TENM4: variants seen among roughly 807,000 people sequenced by gnomAD.
TENM4 encodes the protein teneurin-4.
TENM4 carries 82 observed loss-of-function variants against 243.3 expected under a neutral mutation model. The ratio of observed to expected loss-of-function variants is 0.34; its 90% CI spans 0.28 to 0.40. The LOEUF (loss-of-function observed/expected upper bound fraction) is 0.40. TENM4 is among the 10% of genes least tolerant of loss of function. TENM4 has a pLI of 1.00. For missense variants in TENM4, 3,138 were observed against 3,673.3 expected (o/e 0.85, Z 3.77); for synonymous variants, 1,412 against 1,456.3 (o/e 0.97, Z 0.69).
At chr11:78,822,131 G>A (rs1857747053) in intron 12 of TENM4, among the ~76,000 whole-genome samples, 1 of 152,116 alleles carries the variant, frequency 6.6e-6, no homozygotes, top group Non-Finnish European at 1.5e-5. Flanking sequence ...ATGACTAGTG[G>A]GGATACTGCA....
chr11:79,132,148 C>A (rs957450855), intron 4 of TENM4, among the ~76,000 whole-genome samples: 2 of 151,544 alleles, frequency 1.3e-5, no homozygotes, highest in Non-Finnish European at 2.9e-5. Flanking sequence ...CGAGACCACC[C>A]TGGCTAACAC....
intron 7 of TENM4, among the ~76,000 whole-genome samples, chr11:78,893,401 C>T (rs1855710203): frequency 6.6e-6 from 1 of 152,194 alleles, no homozygotes; most frequent in Non-Finnish European, 1.5e-5. Context: ...TTTACAAAAC[C>T]CAAAGTGTAA....
intron 6 of TENM4, among the ~76,000 whole-genome samples, chr11:78,943,787 AT>A (rs1197885807): frequency 6.6e-6 from 1 of 152,252 alleles, no homozygotes; most frequent in African/African-American, 2.4e-5. Context: ...TATGTGGTAA[AT>A]AAATGTTAGT....
intron 1 of TENM4, among the ~76,000 whole-genome samples, chr11:79,426,524 T>C (rs1285615712): frequency 6.6e-6 from 1 of 152,192 alleles, no homozygotes; most frequent in Non-Finnish European, 1.5e-5. Context: ...AAGAGGATCC[T>C]GTGATCATCC....
intron 2 of TENM4, among the ~76,000 whole-genome samples, chr11:79,252,420 G>C (rs1346603605): frequency 1.3e-5 from 2 of 152,078 alleles, no homozygotes; most frequent in Non-Finnish European, 2.9e-5. Flanking sequence ...TTTTTGTTAA[G>C]TAGAGATGGG....
intron 5 of TENM4, 90 bp downstream of exon 5, chr11:79,069,632 C>A: frequency 1.4e-6 from 2 of 1,443,220 alleles, no homozygotes; most frequent in Non-Finnish European, 1.8e-6. Context: ...ACCTGTGCCA[C>A]GCCCACCTGC....
chr11:78,867,030 A>G, intron 9 of TENM4, among the ~76,000 whole-genome samples: 1 of 152,214 alleles, frequency 6.6e-6, no homozygotes, highest in East Asian at 1.9e-4. Flanking sequence ...ACAGGCTTGC[A>G]ATGCATGATA....
chr11:78,709,332 A>G (rs933003457), intron 26 of TENM4, among the ~76,000 whole-genome samples: 1 of 152,102 alleles, frequency 6.6e-6, no homozygotes, highest in Non-Finnish European at 1.5e-5. Context: ...CGGAATCTGA[A>G]TAGAATCCTA....
chr11:78,881,919 C>G (rs1186533290), intron 9 of TENM4, among the ~76,000 whole-genome samples: 2 of 152,218 alleles, frequency 1.3e-5, no homozygotes, highest in Admixed American at 1.3e-4. Flanking sequence ...CTATATATAT[C>G]TTGCTATTAG....
In TENM4 at chr11:79,201,389, A is replaced by T. The variant is rs1421406818; in HGVS notation, c.-163+14419T>A. On this transcript the variant is annotated intron_variant, in intron 3 of 33. Transcript: ENST00000278550. ...CTCTGCCATATGCCTGCTGTGTAGG[A>T]CCCTCAGACCATCACTTATCATCTC... Among the ~76,000 whole-genome samples, 4 of 151,728 alleles carry T rather than the reference A, an allele frequency of 2.6e-5. No homozygotes were observed. In the East Asian group the frequency reaches 7.8e-4, roughly 29 times the overall value.
chr11:79,310,674 A>G (rs1398805879), intron 1 of TENM4, among the ~76,000 whole-genome samples: 3 of 152,210 alleles, frequency 2.0e-5, no homozygotes, highest in Non-Finnish European at 4.4e-5. Context: ...GTTCTAGACC[A>G]TGGCTTGTCC....
At chr11:78,937,919 A>C (rs992771253) in intron 6 of TENM4, among the ~76,000 whole-genome samples, 1 of 152,154 alleles carries the variant, frequency 6.6e-6, no homozygotes, top group African/African-American at 2.4e-5. Context: ...CTAGAATCCC[A>C]AAAAAAGCCA....
Position 79,336,300 on chromosome 11 carries a change from T to A in TENM4, c.-320-38757A>T, listed in dbSNP as rs138208078. Among the ~76,000 whole-genome samples the A allele has an allele frequency of 2.7e-3, 408 of 152,234 alleles. 1 individual carries two copies. Among genetic ancestry groups the A allele is most frequent in the Non-Finnish European group, 4.5e-3 (307 of 68,030 alleles). ...AACTAGCTGCATTGCTTTGAGCAAA[T>A]CCCTGTCCTCCTCCAGGCCTCTAGC... On this transcript the variant is annotated intron_variant, in intron 1 of 33. Coordinates refer to ENST00000278550, the MANE Select transcript of TENM4 (RefSeq NM_001098816.3).
intron 6 of TENM4, among the ~76,000 whole-genome samples, chr11:78,984,681 GCTGCTACGCTACCTCTA>G (rs1857879028): frequency 6.6e-6 from 1 of 152,168 alleles, no homozygotes; most frequent in Non-Finnish European, 1.5e-5. Flanking sequence ...TACTGCTGCT[GCTGCTACGCTACCTCTA>G]CTACCGGTAA....
chr11:78,811,770 C>T (rs1299219050), intron 14 of TENM4, among the ~76,000 whole-genome samples: 1 of 152,200 alleles, frequency 6.6e-6, no homozygotes, highest in African/African-American at 2.4e-5. Flanking sequence ...AGCCATGTGT[C>T]CTTGGGCAAG....
intron 6 of TENM4, among the ~76,000 whole-genome samples, chr11:79,057,464 C>T (rs1298607824): frequency 1.3e-5 from 2 of 152,184 alleles, no homozygotes; most frequent in African/African-American, 4.8e-5. Flanking sequence ...TCAAATGTCA[C>T]CTTCTCTGTG....
At position 78,658,695 on chromosome 11, in the gene TENM4, T is replaced by A. The variant is rs532521048; in HGVS notation, c.7673A>T (p.Lys2558Met). ...AAAGACTGAGCCGCTGGATGCAAAC[T>A]TCTTGGTCTTTGGAGCCTGCTGGCA... ...TSCQQAPKTK[K>M]FASSGSVFGK... is the part of the protein sequence containing the mutation. Residue 2558 changes from lysine to methionine, a missense_variant, in exon 34 of 34, where the codon AAG becomes ATG. This residue lies in a region of TENM4 where 2,467 missense variants were observed against 3,059.1 expected (regional missense o/e 0.81). Coordinates refer to ENST00000278550, the MANE Select transcript of TENM4 (RefSeq NM_001098816.3). 5.0e-6 allele frequency: 8 copies of A among 1,614,000 alleles called. No homozygotes were observed. The highest frequency in any genetic ancestry group is 6.8e-6 in the Non-Finnish European group (8 of 1,179,898).
chr11:79,002,102 C>T (rs574792280), intron 6 of TENM4, among the ~76,000 whole-genome samples: 2 of 152,294 alleles, frequency 1.3e-5, no homozygotes, highest in Admixed American at 6.5e-5. Flanking sequence ...ATCCCCACCC[C>T]CCCACTGATA....
At chr11:79,130,319 A>C (rs1030804951) in intron 4 of TENM4, among the ~76,000 whole-genome samples, 6 of 152,138 alleles carry the variant, frequency 3.9e-5, no homozygotes, top group Non-Finnish European at 8.8e-5. Context: ...TAATATGACA[A>C]AACAATGATC....
Sources: allele counts gnomAD v4.1 joint callset (sites outside exome capture counted in the v4.1 genomes callset), GRCh38; gene constraint gnomAD v4.1.1; regional missense constraint gnomAD v4.1.1; transcripts MANE v1.5; gene names NCBI Gene and HGNC (gene_info 2026-07-23, HGNC 2026-07-21).